Variants in SLIT1 observed in about 807,000 individuals in gnomAD.
SLIT1 encodes slit guidance ligand 1.
Under a neutral mutation model 186.1 loss-of-function variants are expected in SLIT1, and 66 were observed. That is an observed-to-expected ratio of 0.35 (90% CI 0.29 to 0.44). SLIT1 has a LOEUF of 0.44. SLIT1 is among the 20% of genes least tolerant of loss of function. SLIT1 has a pLI of 1.00. For missense variants in SLIT1, 1,638 were observed against 2,037.4 expected, an observed-to-expected ratio of 0.80 and a Z score of 3.77; for synonymous variants, 761 against 833.8, an observed-to-expected ratio of 0.91 and a Z score of 1.50.
rs1182077599 is a variant in SLIT1 at position 97,002,382 on chromosome 10, G to A, written c.4155-13C>T. The A allele has an allele frequency of 8.9e-6, 14 of 1,577,316 alleles. No individual in the cohort carries two copies. The highest frequency in any genetic ancestry group is 1.2e-5 in the Non-Finnish European group (14 of 1,161,942). On this transcript the variant is annotated splice_polypyrimidine_tract_variant and intron_variant, in intron 35 of 36. Coordinates refer to ENST00000266058, the MANE Select transcript of SLIT1 (RefSeq NM_003061.3). ...CCCATGGACACACCTGGAGGAGACA[G>A]AGAAAAGGCGCTGTGAGGACAAACC...
At chr10:97,086,559 C>T (rs927068055) in intron 4 of SLIT1, among the ~76,000 whole-genome samples, 4 of 152,102 alleles carry the variant, frequency 2.6e-5, no homozygotes, top group Non-Finnish European at 5.9e-5. Flanking sequence ...GCCTGGGTGA[C>T]AGAGCAAGAC....
At chr10:97,176,504 C>A (rs959980096) in intron 1 of SLIT1, among the ~76,000 whole-genome samples, 1 of 152,186 alleles carries the variant, frequency 6.6e-6, no homozygotes, top group Non-Finnish European at 1.5e-5. Context: ...CCTGCTCCCC[C>A]TCAGAGCTCC....
Position 97,014,074 on chromosome 10 carries a change from G to A in SLIT1, c.3054C>T (p.Gly1018=), listed in dbSNP as rs369250356. 88 of 1,613,760 alleles carry A rather than the reference G, an allele frequency of 5.5e-5. No homozygotes were observed. The highest frequency in any genetic ancestry group is 1.7e-4 in the Middle Eastern group (1 of 6,060). Residue 1018 remains glycine (G), a synonymous_variant, in exon 29 of 37, where the codon GGC becomes GGT. Transcript: ENST00000266058. Reference sequence around the variant, plus strand: ...AGTTGCCCACACCATCCACACAGACGCCCCCATTGGCACAGGCATGATCCA... The same window carrying A: ...AGTTGCCCACACCATCCACACAGACACCCCCATTGGCACAGGCATGATCCA... ...DCVDHACANG[G]VCVDGVGNYT...
intron 28 of SLIT1, among the ~76,000 whole-genome samples, chr10:97,014,955 G>A (rs1848442437): frequency 6.6e-6 from 1 of 152,056 alleles, no homozygotes; most frequent in Non-Finnish European, 1.5e-5. Flanking sequence ...AATACTTCAG[G>A]AGCACAGTGA....
At chr10:97,017,604 G>A (rs1008292991) in intron 28 of SLIT1, among the ~76,000 whole-genome samples, 43 of 151,912 alleles carry the variant, frequency 2.8e-4, no homozygotes, top group Non-Finnish European at 4.1e-4. Context: ...CAGGGCCGGA[G>A]GGCTATCCCC....
chr10:97,100,828 C>A (rs1490689), intron 4 of SLIT1, among the ~76,000 whole-genome samples: 76,390 of 152,128 alleles, frequency 0.5, 20,989 homozygotes, highest in East Asian at 0.73. Flanking sequence ...GCTGCCTCGG[C>A]CTTAGGTGAC....
intron 4 of SLIT1, among the ~76,000 whole-genome samples, chr10:97,080,854 T>C (rs1335289396): frequency 6.6e-6 from 1 of 152,270 alleles, no homozygotes; most frequent in African/African-American, 2.4e-5. Context: ...GGTCTGCTTC[T>C]GTCACAGCAA....
chr10:97,058,294 T>C (rs1848859914), intron 11 of SLIT1, among the ~76,000 whole-genome samples: 1 of 152,190 alleles, frequency 6.6e-6, no homozygotes, highest in Non-Finnish European at 1.5e-5. Flanking sequence ...ACACTGTTGA[T>C]GGGGTGTACT....
chr10:97,107,260 G>C (rs1703783997), intron 4 of SLIT1, among the ~76,000 whole-genome samples: 1 of 152,264 alleles, frequency 6.6e-6, no homozygotes, highest in African/African-American at 2.4e-5. Context: ...AGGCTGGATG[G>C]AATGGCACAT....
chr10:97,041,170 G>T (rs1848687266), intron 20 of SLIT1, among the ~76,000 whole-genome samples: 1 of 152,224 alleles, frequency 6.6e-6, no homozygotes, highest in Admixed American at 6.5e-5. Flanking sequence ...TTCTAGGGGA[G>T]AGTGGAATAT....
At chr10:97,078,117 A>T (rs1849063612) in intron 4 of SLIT1, among the ~76,000 whole-genome samples, 1 of 152,184 alleles carries the variant, frequency 6.6e-6, no homozygotes, top group African/African-American at 2.4e-5. Context: ...AAAAATTTAA[A>T]AAATAAATAA....
At chr10:97,048,453 T>C (rs77941681) in intron 14 of SLIT1, among the ~76,000 whole-genome samples, 4,327 of 152,170 alleles carry the variant, frequency 0.028, 95 homozygotes, top group Non-Finnish European at 0.049. Context: ...GCCTCCTGAG[T>C]GTCTTAAAAG....
chr10:97,006,562 C>A lies in SLIT1; in HGVS notation c.3500G>T (p.Ser1167Ile). ...FGGPECEKLLSVNFVDRDTYL... is the reference protein window; with the variant it reads ...FGGPECEKLLIVNFVDRDTYL... ...AGTGTCCCGATCCACAAAGTTGACA[C>A]TGAGCAACTTCTCACACTCAGGGCC... Residue 1167 changes from serine to isoleucine, a missense_variant, in exon 32 of 37, where the codon AGT becomes ATT. Coordinates refer to ENST00000266058, the MANE Select transcript of SLIT1 (RefSeq NM_003061.3). This position sits in a 1 kb window ranked among gnomAD's most constrained non-coding sequence, Gnocchi z 4.0. 6.2e-7 allele frequency: 1 copy of A among 1,614,240 alleles called. No homozygotes were observed. The highest frequency in any genetic ancestry group is 8.5e-7 in the Non-Finnish European group (1 of 1,180,048).
In SLIT1 at chr10:97,043,496, C is replaced by T. The variant is rs144117966; in HGVS notation, c.1871G>A (p.Arg624His). 5 of 1,611,252 alleles carry T rather than the reference C, an allele frequency of 3.1e-6. No homozygotes were observed. The highest frequency in any genetic ancestry group is 3.3e-5 in the Admixed American group (2 of 59,950). Residue 624 changes from arginine to histidine, a missense_variant, in exon 19 of 37, where the codon CGC (arginine) becomes CAC (histidine). Coordinates refer to ENST00000266058, the MANE Select transcript of SLIT1 (RefSeq NM_003061.3). This position sits in a 1 kb window ranked among gnomAD's most constrained non-coding sequence, Gnocchi z 7.0. Reference sequence around the variant, plus strand: ...GCTGTCGTTGTGGATGCAGCTGATGCGGTTGTTCCGCAGCATTCTGGGGAG... The same window carrying T: ...GCTGTCGTTGTGGATGCAGCTGATGTGGTTGTTCCGCAGCATTCTGGGGAG... The part of the protein sequence containing the change: ...GLRTLMLRNN[R>H]ISCIHNDSFT...
chr10:97,016,081 G>C (rs1251835665), intron 28 of SLIT1, among the ~76,000 whole-genome samples: 4 of 152,186 alleles, frequency 2.6e-5, no homozygotes, highest in Non-Finnish European at 5.9e-5. Context: ...GGCCAAGGTG[G>C]GTGGATCCCT....
At position 97,002,262 on chromosome 10, in the gene SLIT1, G is replaced by T. The variant is rs1848316722; in HGVS notation, c.4262C>A (p.Pro1421His). ...ATGCAGGCACTGCAGGCCTCTGCAG[G>T]GCTCTGCCAGGGCCCCGGCCTGGTT... ...LCNQAGALAE[P>H]CRGLQCLHGH... Residue 1421 changes from proline to histidine, a missense_variant, in exon 36 of 37, where the codon CCC becomes CAC. This residue lies in a region of SLIT1 where 220 missense variants were observed against 211.3 expected (regional missense o/e 1.04). Coordinates refer to ENST00000266058, the MANE Select transcript of SLIT1 (RefSeq NM_003061.3). The T allele has an allele frequency of 1.9e-6, 3 of 1,604,974 alleles. No homozygotes were observed. Among genetic ancestry groups the T allele is most frequent in the Non-Finnish European group, 2.6e-6 (3 of 1,176,192 alleles).
intron 3 of SLIT1, among the ~76,000 whole-genome samples, chr10:97,158,268 G>T (rs1849977219): frequency 6.6e-6 from 1 of 152,128 alleles, no homozygotes; most frequent in South Asian, 2.1e-4. Context: ...CTTGAAATGG[G>T]AGACATACCC....
intron 13 of SLIT1, among the ~76,000 whole-genome samples, chr10:97,050,983 G>GA (rs35412325): frequency 1.3e-5 from 2 of 151,784 alleles, no homozygotes; most frequent in Non-Finnish European, 2.9e-5. Flanking sequence ...TCAAGAGGAA[G>GA]AAAAAAAATT....
intron 4 of SLIT1, among the ~76,000 whole-genome samples, chr10:97,101,779 A>G (rs1271799053): frequency 6.6e-6 from 1 of 152,168 alleles, no homozygotes; most frequent in African/African-American, 2.4e-5. Context: ...GGTGGATATG[A>G]GTTTGCATGT....
Sources: gnomAD v4.1 joint callset for allele counts (sites outside exome capture counted in the v4.1 genomes callset) on GRCh38, gnomAD v4.1.1 for gene constraint, gnomAD v4.1.1 regional missense constraint, Gnocchi (gnomAD v3.1) non-coding constraint, MANE v1.5 for transcripts, NCBI Gene and HGNC (gene_info 2026-07-23, HGNC 2026-07-21) for gene names.